Variants in KATNA1 observed in about 807,000 individuals in gnomAD.
KATNA1 encodes the protein katanin p60 ATPase-containing subunit A1.
In KATNA1, 42 loss-of-function variants were observed where a neutral mutation model predicts 62.6. The observed-to-expected ratio is 0.67, with a 90% CI of 0.52 to 0.87. The LOEUF (loss-of-function observed/expected upper bound fraction) is 0.87, where lower values mean the gene tolerates loss of function less well. Ranked by LOEUF, KATNA1 falls within the 40% of genes least tolerant of loss-of-function variation. The probability of loss-of-function intolerance (pLI) is 0.00; values close to 1 mark genes in which losing one functional copy is unlikely to be tolerated. For synonymous variants in KATNA1, 186 were observed against 201.9 expected, an observed-to-expected ratio of 0.92 and a Z score of 0.67; for missense variants, 498 against 612.5, an observed-to-expected ratio of 0.81 and a Z score of 1.97.
At position 149,636,440 on chromosome 6, in the gene KATNA1, A is replaced by G. The variant is rs376571292; in HGVS notation, c.162+1946T>C. Among the ~76,000 whole-genome samples the G allele has an allele frequency of 2.4e-4, 34 of 144,554 alleles. 3 individuals carry two copies. Among genetic ancestry groups the G allele is most frequent in the Admixed American group, 2.0e-3 (27 of 13,704 alleles). The allele number at this position is 144,554 out of a possible 152,430, so 94.8% of individuals were successfully genotyped here. On this transcript the variant is annotated intron_variant, in intron 2 of 10. Transcript: ENST00000367411. The stretch of plus-strand genomic sequence containing the variant: ...TAAATAAATAAAAGATAAATAAAAT[A>G]AAATAGTTGCCCTTTCTGGTAATTA...
rs544379629 is a variant in KATNA1 at position 149,626,292 on chromosome 6, C to CTTT, written c.321-3012_321-3010dup. 5.9e-3 allele frequency among the ~76,000 whole-genome samples: 527 copies of CTTT among 88,700 alleles called. 32 individuals are homozygous for CTTT. Among genetic ancestry groups the CTTT allele is most frequent in the Admixed American group, 8.6e-3 (52 of 6,058 alleles). The allele number at this position is 88,700 out of a possible 152,430, so 58.2% of individuals were successfully genotyped here. On this transcript the variant is annotated intron_variant, in intron 3 of 10. Transcript: ENST00000367411. ...GAAACAACTATTTATATAACATTTACTTTTTTTTTTTTTTTTTTTTGAGAC... is the reference window on the plus strand; with the variant it reads ...GAAACAACTATTTATATAACATTTACTTTTTTTTTTTTTTTTTTTTTTTGAGAC...
At position 149,635,599 on chromosome 6, in the gene KATNA1, C is replaced by T. The variant is rs542726574; in HGVS notation, c.163-2683G>A. 2.6e-4 allele frequency among the ~76,000 whole-genome samples: 39 copies of T among 152,070 alleles called. No homozygotes were observed. In the South Asian group the frequency reaches 7.9e-3, roughly 31 times the overall value. On this transcript the variant is annotated intron_variant, in intron 2 of 10. Coordinates refer to ENST00000367411, the MANE Select transcript of KATNA1 (RefSeq NM_007044.4). ...TGGCACACACCTGTAATTCCAGCTA[C>T]TCGGGAGGCTGAGGCAGGAGAATCA...
intron 2 of KATNA1, among the ~76,000 whole-genome samples, chr6:149,634,188 G>A (rs1779968393): frequency 2.0e-5 from 3 of 151,020 alleles, no homozygotes; most frequent in South Asian, 2.1e-4. Context: ...CACAACAATC[G>A]CTTGAACCCA....
intron 3 of KATNA1, among the ~76,000 whole-genome samples, chr6:149,629,174 A>C (rs1779739863): frequency 6.6e-6 from 1 of 152,132 alleles, no homozygotes; most frequent in African/African-American, 2.4e-5. Flanking sequence ...CCCACTGGGA[A>C]CATCTATTTG....
chr6:149,624,244 C>T (rs775676795), intron 3 of KATNA1, among the ~76,000 whole-genome samples: 3 of 151,986 alleles, frequency 2.0e-5, no homozygotes, highest in Non-Finnish European at 4.4e-5. Flanking sequence ...TTTGAATTTT[C>T]GGATCAGGGA....
At chr6:149,606,644 G>C (rs185374870) in intron 4 of KATNA1, among the ~76,000 whole-genome samples, 2 of 147,164 alleles carry the variant, frequency 1.4e-5, no homozygotes, top group Non-Finnish European at 3.0e-5. Context: ...TTGAGATGGA[G>C]TTTCATTCTT....
chr6:149,630,814 T>C (rs988393434), intron 3 of KATNA1, among the ~76,000 whole-genome samples: 4 of 152,238 alleles, frequency 2.6e-5, no homozygotes, highest in South Asian at 2.1e-4. Flanking sequence ...CTGGGAGTGA[T>C]GCCCCTAAAT....
chr6:149,626,709 C>A (rs1414588493), intron 3 of KATNA1, among the ~76,000 whole-genome samples: 2 of 151,644 alleles, frequency 1.3e-5, no homozygotes, highest in African/African-American at 2.4e-5. Flanking sequence ...TCTGGCTGGA[C>A]GCAGTGGCTC....
intron 2 of KATNA1, among the ~76,000 whole-genome samples, chr6:149,635,573 G>A (rs1168972182): frequency 2.0e-5 from 3 of 151,934 alleles, no homozygotes; most frequent in Non-Finnish European, 2.9e-5. Context: ...TCTGGGTGTG[G>A]TGGCACACAC....
chr6:149,628,354 C>T (rs1779700158), intron 3 of KATNA1, among the ~76,000 whole-genome samples: 1 of 151,212 alleles, frequency 6.6e-6, no homozygotes, highest in African/African-American at 2.4e-5. Context: ...TGGCATCCGC[C>T]CGCCTCGACC....
chr6:149,598,763 A>G (rs78846019), intron 7 of KATNA1, among the ~76,000 whole-genome samples: 2,412 of 152,126 alleles, frequency 0.016, 67 homozygotes, highest in African/African-American at 0.056. Flanking sequence ...CAAAACAGCT[A>G]AGGAGCCTGC....
intron 1 of KATNA1, among the ~76,000 whole-genome samples, chr6:149,642,589 G>C (rs551129011): frequency 6.6e-6 from 1 of 152,298 alleles, no homozygotes; most frequent in East Asian, 1.9e-4. Flanking sequence ...GTACCATGTA[G>C]CAGACAGAAG....
chr6:149,639,717 C>T (rs567138999), intron 1 of KATNA1, among the ~76,000 whole-genome samples: 22 of 152,288 alleles, frequency 1.4e-4, no homozygotes, highest in Non-Finnish European at 2.4e-4. Context: ...TATGTCTACC[C>T]CCTGAACTCC....
At chr6:149,611,971 G>C (rs1270805141) in intron 4 of KATNA1, among the ~76,000 whole-genome samples, 6 of 152,110 alleles carry the variant, frequency 3.9e-5, no homozygotes, top group Non-Finnish European at 7.3e-5. Context: ...CTGCACTCCA[G>C]CCTGGGCGAC....
intron 3 of KATNA1, among the ~76,000 whole-genome samples, chr6:149,626,968 A>G (rs995957271): frequency 6.6e-6 from 1 of 151,908 alleles, no homozygotes; most frequent in Admixed American, 6.6e-5. Flanking sequence ...TGGGCAACAG[A>G]GTGAGACTCC....
chr6:149,632,944 T>G, intron 2 of KATNA1, 28 bp from the exon 3 acceptor site: 1 of 1,563,928 alleles, frequency 6.4e-7, no homozygotes, highest in Non-Finnish European at 8.7e-7. Flanking sequence ...GATGGATGTT[T>G]AAATTTCTAT....
rs771314781 is a variant in KATNA1 at position 149,638,521 on chromosome 6, A to T, written c.27T>A (p.Asn9Lys). Residue 9 changes from asparagine (N) to lysine (K), a missense_variant, in exon 2 of 11, where the codon AAT becomes AAA. Coordinates refer to ENST00000367411, the MANE Select transcript of KATNA1 (RefSeq NM_007044.4). ...ATGCATATTCACGAGCCAATTTTACATTCTCACTAATCATAAGAAGACTCA... is the reference window on the plus strand; with the variant it reads ...ATGCATATTCACGAGCCAATTTTACTTTCTCACTAATCATAAGAAGACTCA... MSLLMISE[N>K]VKLAREYALL... The T allele has an allele frequency of 6.2e-7, 1 of 1,613,664 alleles. No individual in the cohort carries two copies. The highest frequency in any genetic ancestry group is 2.2e-5 in the East Asian group (1 of 44,864).
At chr6:149,610,770 G>T (rs1304282077) in intron 4 of KATNA1, among the ~76,000 whole-genome samples, 1 of 152,096 alleles carries the variant, frequency 6.6e-6, no homozygotes. Flanking sequence ...CTCAGGCTGG[G>T]CATGGTGGCT....
chr6:149,603,912 T>TA (rs371250007), intron 5 of KATNA1, among the ~76,000 whole-genome samples: 70 of 152,256 alleles, frequency 4.6e-4, no homozygotes, highest in African/African-American at 1.2e-3. Context: ...CAATTTCTGT[T>TA]AAAAAAAGTA....
Sources: allele counts gnomAD v4.1 joint callset (sites outside exome capture counted in the v4.1 genomes callset), GRCh38; gene constraint gnomAD v4.1.1; transcripts MANE v1.5; gene names NCBI Gene and HGNC (gene_info 2026-07-23, HGNC 2026-07-21).